C6: variants seen among roughly 807,000 people sequenced by gnomAD.
C6 encodes complement C6.
C6 carries 101 observed loss-of-function variants against 112.9 expected under a neutral mutation model. The observed-to-expected ratio is 0.89, with a 90% CI of 0.76 to 1.06. C6 has a LOEUF of 1.06. Among genes scored for constraint, C6 ranks in the 50% least tolerant of loss-of-function variants. C6 has a pLI of 0.00. For synonymous variants in C6, 431 were observed against 384.1 expected (o/e 1.12, Z -1.43); for missense variants, 1,202 against 1,104.6 (o/e 1.09, Z -1.25).
chr5:41,249,762 G>T (rs190156984), intron 1 of C6, among the ~76,000 whole-genome samples: 51 of 152,268 alleles, frequency 3.3e-4, no homozygotes, highest in Admixed American at 2.3e-3. Flanking sequence ...TAAAGCCATG[G>T]ATATTGATTA....
At chr5:41,233,226 G>A (rs1161468524) in intron 1 of C6, among the ~76,000 whole-genome samples, 1 of 152,052 alleles carries the variant, frequency 6.6e-6, no homozygotes, top group Non-Finnish European at 1.5e-5. Context: ...ATAGGGAAAT[G>A]ATAACTGCTC....
intron 13 of C6, among the ~76,000 whole-genome samples, chr5:41,156,975 G>C (rs547055094): frequency 6.6e-6 from 1 of 152,256 alleles, no homozygotes; most frequent in East Asian, 1.9e-4. Context: ...GGTTGGACTT[G>C]TCTGTTACTC....
chr5:41,211,529 T>G (rs1751927187), intron 1 of C6, among the ~76,000 whole-genome samples: 2 of 151,972 alleles, frequency 1.3e-5, no homozygotes. Context: ...AGAATTTAAG[T>G]CGTGATCAGA....
At chr5:41,204,126 A>G (rs1751244041) in intron 1 of C6, among the ~76,000 whole-genome samples, 1 of 152,220 alleles carries the variant, frequency 6.6e-6, no homozygotes, top group Non-Finnish European at 1.5e-5. Context: ...TTATTAATAT[A>G]TGCATACATA....
At chr5:41,173,305 G>C (rs1748582403) in intron 8 of C6, among the ~76,000 whole-genome samples, 1 of 151,984 alleles carries the variant, frequency 6.6e-6, no homozygotes, top group Non-Finnish European at 1.5e-5. Context: ...TGAAGATTTG[G>C]GCATCTGAAC....
chr5:41,256,060 T>C (rs554482985), intron 1 of C6, among the ~76,000 whole-genome samples: 1 of 152,298 alleles, frequency 6.6e-6, no homozygotes, highest in South Asian at 2.1e-4. Flanking sequence ...ATTCTTGCGA[T>C]AGTTTACTGA....
rs760521131 is a variant in C6, at chr5:41,181,441, G to A, written c.845C>T (p.Pro282Leu). Residue 282 changes from proline to leucine, a missense_variant, in exon 7 of 18, where the codon CCA becomes CTA. Coordinates refer to ENST00000337836, the MANE Select transcript of C6 (RefSeq NM_000065.5). ...SSQGGSSFSV[P>L]IFYSSKRSEN... Reference sequence around the variant, plus strand: ...ACTTCTCTTTGAGGAATAAAAAATTGGTACACTGAAAGAGCTCCCCCCCTG... The same window carrying A: ...ACTTCTCTTTGAGGAATAAAAAATTAGTACACTGAAAGAGCTCCCCCCCTG... 1.2e-6 allele frequency: 2 copies of A among 1,613,690 alleles called. No individual in the cohort carries two copies. The highest frequency in any genetic ancestry group is 3.3e-5 in the Admixed American group (2 of 59,984).
At chr5:41,227,272 T>A (rs903508369) in intron 1 of C6, among the ~76,000 whole-genome samples, 5 of 152,120 alleles carry the variant, frequency 3.3e-5, no homozygotes, top group African/African-American at 1.2e-4. Flanking sequence ...GAAATGTCTG[T>A]TCAGATCTTT....
chr5:41,174,167 C>A (rs1748654554), intron 8 of C6, among the ~76,000 whole-genome samples: 2 of 152,122 alleles, frequency 1.3e-5, no homozygotes, highest in Non-Finnish European at 2.9e-5. Context: ...TTTTTTATGA[C>A]ATTGGTCATG....
intron 8 of C6, among the ~76,000 whole-genome samples, chr5:41,173,775 A>AT (rs2150305554): frequency 6.6e-6 from 1 of 152,218 alleles, no homozygotes; most frequent in Admixed American, 6.6e-5. Flanking sequence ...TGTCTACCTC[A>AT]TTTTTTGTGA....
At chr5:41,163,018 G>A (rs974644671) in intron 9 of C6, among the ~76,000 whole-genome samples, 43 of 152,210 alleles carry the variant, frequency 2.8e-4, no homozygotes, top group Admixed American at 2.1e-3. Context: ...ACTGGTAAGG[G>A]TTATCTGTGA....
chr5:41,160,416 T>A, intron 10 of C6, 49 bp from the exon 11 acceptor site: 1 of 1,425,280 alleles, frequency 7.0e-7, no homozygotes, highest in East Asian at 2.3e-5. Flanking sequence ...CCTTTGGTAA[T>A]AGGTTGCCAT....
chr5:41,180,042 CA>C (rs768685870), intron 7 of C6, among the ~76,000 whole-genome samples: 1 of 152,054 alleles, frequency 6.6e-6, no homozygotes, highest in Non-Finnish European at 1.5e-5. Context: ...TATTCATCTG[CA>C]AAATGATGTT....
At chr5:41,225,383 C>T (rs1465443782) in intron 1 of C6, among the ~76,000 whole-genome samples, 1 of 152,108 alleles carries the variant, frequency 6.6e-6, no homozygotes, top group Non-Finnish European at 1.5e-5. Flanking sequence ...CATATCCCTA[C>T]AAAGGAAATG....
At chr5:41,186,346 G>T in intron 5 of C6, 138 bp from the exon 6 acceptor site, 1 of 878,524 alleles carries the variant, frequency 1.1e-6, no homozygotes, top group Non-Finnish European at 1.7e-6. Flanking sequence ...CCACACCTCC[G>T]CTTTTTTTTC....
At chr5:41,253,910 A>C (rs1580261294) in intron 1 of C6, among the ~76,000 whole-genome samples, 1 of 152,338 alleles carries the variant, frequency 6.6e-6, no homozygotes, top group South Asian at 2.1e-4. Context: ...TTATGCCCAA[A>C]AGGCAATGTG....
chr5:41,207,692 T>C (rs549454607), intron 1 of C6, among the ~76,000 whole-genome samples: 2 of 152,258 alleles, frequency 1.3e-5, no homozygotes, highest in South Asian at 4.1e-4. Flanking sequence ...CCTAAATATA[T>C]ACGCACCCAA....
intron 5 of C6, 75 bp downstream of exon 5, chr5:41,195,717 T>A (rs1333900613): frequency 2.9e-6 from 4 of 1,398,636 alleles, no homozygotes; most frequent in Non-Finnish European, 2.0e-6. Flanking sequence ...TGGACAATGA[T>A]GTATCTCATT....
Position 41,178,083 on chromosome 5 carries a change from C to T in C6, c.928-1368G>A, listed in dbSNP as rs1047653423. Among the ~76,000 whole-genome samples the T allele has an allele frequency of 7.9e-5, 12 of 152,042 alleles. No homozygotes were observed. In the East Asian group the frequency reaches 1.5e-3, roughly 20 times the overall value. On this transcript the variant is annotated intron_variant, in intron 7 of 17. Transcript: ENST00000337836. Reference sequence around the variant, plus strand: ...GTAGCTCAACTTAGCACAATAACCTCCATGGTGTTCTACTTGCTGGTTCAT... The same window carrying T: ...GTAGCTCAACTTAGCACAATAACCTTCATGGTGTTCTACTTGCTGGTTCAT...
Sources: gnomAD v4.1 joint callset for allele counts (sites outside exome capture counted in the v4.1 genomes callset) on GRCh38, gnomAD v4.1.1 for gene constraint, MANE v1.5 for transcripts, NCBI Gene and HGNC (gene_info 2026-07-23, HGNC 2026-07-21) for gene names.